LAMA2: variants seen among roughly 807,000 people sequenced by gnomAD.
LAMA2 encodes laminin subunit alpha 2, also known as laminin subunit alpha-2.
LAMA2 carries 269 observed loss-of-function variants against 364.8 expected under a neutral mutation model. The ratio of observed to expected loss-of-function variants is 0.74; its 90% CI spans 0.67 to 0.82. The LOEUF (loss-of-function observed/expected upper bound fraction) is 0.82, where lower values mean the gene tolerates loss of function less well. Ranked by LOEUF, LAMA2 falls within the 40% of genes least tolerant of loss-of-function variation. LAMA2 has a pLI of 0.00. For missense variants in LAMA2, 3,807 were observed against 3,873.2 expected, an observed-to-expected ratio of 0.98 and a Z score of 0.45; for synonymous variants, 1,379 against 1,370.6, an observed-to-expected ratio of 1.01 and a Z score of -0.14.
At chr6:129,263,964 G>A (rs780951898) in intron 15 of LAMA2, among the ~76,000 whole-genome samples, 2 of 151,832 alleles carry the variant, frequency 1.3e-5, no homozygotes, top group African/African-American at 2.4e-5. Context: ...GGCTGATCTC[G>A]AACTCCTGAG....
chr6:129,116,359 T>C (rs768527940), intron 4 of LAMA2, among the ~76,000 whole-genome samples: 5 of 152,174 alleles, frequency 3.3e-5, no homozygotes, highest in Non-Finnish European at 7.4e-5. Flanking sequence ...GCTTTTATAA[T>C]GATGACTTCA....
Position 129,176,745 on chromosome 6 carries a change from C to T in LAMA2, c.1307-961C>T, listed in dbSNP as rs182393837. On this transcript the variant is annotated intron_variant, in intron 9 of 64. Transcript: ENST00000421865. ...TCACAACTTTTTTTTCTTTTCCATA[C>T]GCTTTCTTGACACACATTCATTTTC... Among the ~76,000 whole-genome samples, 151 of 152,084 alleles carry T rather than the reference C, an allele frequency of 9.9e-4. 2 individuals carry two copies. Among genetic ancestry groups the T allele is most frequent in the East Asian group, 1.7e-3 (9 of 5,186 alleles).
In LAMA2 at chr6:129,415,972, G is replaced by A. The variant is rs1422156879; in HGVS notation, c.5866-11780G>A. Among the ~76,000 whole-genome samples, 2 of 32,510 alleles carry A rather than the reference G, an allele frequency of 6.2e-5. 1 individual carries two copies. The highest frequency in any genetic ancestry group is 4.1e-4 in the African/African-American group (2 of 4,868). The allele number at this position is 32,510 out of a possible 152,430, so 21.3% of individuals were successfully genotyped here. ...TTTTTTTTTTTTTTTTTTTTGAGAC[G>A]GAGTCTCGCTCTGTCGCCCAGGCTG... On this transcript the variant is annotated intron_variant, in intron 40 of 64. Coordinates refer to ENST00000421865, the MANE Select transcript of LAMA2 (RefSeq NM_000426.4).
At chr6:129,471,726 A>G (rs1306276961) in intron 51 of LAMA2, among the ~76,000 whole-genome samples, 2 of 152,004 alleles carry the variant, frequency 1.3e-5, no homozygotes, top group Admixed American at 1.3e-4. Flanking sequence ...AAAATAATAA[A>G]ATAGGTGTGT....
At chr6:128,990,774 G>A (rs1783561628) in intron 1 of LAMA2, among the ~76,000 whole-genome samples, 1 of 151,628 alleles carries the variant, frequency 6.6e-6, no homozygotes, top group Non-Finnish European at 1.5e-5. Context: ...TGTGTGTGCT[G>A]TTTGAAACAA....
chr6:129,281,512 T>C (rs1788716448), intron 18 of LAMA2, among the ~76,000 whole-genome samples: 1 of 152,168 alleles, frequency 6.6e-6, no homozygotes, highest in African/African-American at 2.4e-5. Flanking sequence ...ACCCTACATT[T>C]TATTTAACAA....
intron 28 of LAMA2, among the ~76,000 whole-genome samples, chr6:129,321,290 A>C (rs192240736): frequency 5.5e-4 from 84 of 152,330 alleles, no homozygotes; most frequent in Admixed American, 5.1e-3. Context: ...GTACGACTTA[A>C]GGGAGGTGGA....
In LAMA2 at chr6:129,315,964, T is replaced by C. The variant is rs1240924782; in HGVS notation, c.3924+14T>C. 1 of 1,614,064 alleles carries C rather than the reference T, an allele frequency of 6.2e-7. No individual in the cohort carries two copies. ...GAAATGACAGAGGTAAAGTTAGTCA[T>C]TGTTTGGTGCAAAGATACCAATCAA... On this transcript the variant is annotated intron_variant, in intron 26 of 64. Coordinates refer to ENST00000421865, the MANE Select transcript of LAMA2 (RefSeq NM_000426.4).
intron 4 of LAMA2, among the ~76,000 whole-genome samples, chr6:129,103,147 A>G (rs1199849990): frequency 1.3e-5 from 2 of 152,212 alleles, no homozygotes; most frequent in African/African-American, 2.4e-5. Flanking sequence ...TGAGAAGGTT[A>G]TCTTCACTCT....
intron 12 of LAMA2, among the ~76,000 whole-genome samples, chr6:129,227,375 G>C (rs1784370706): frequency 6.6e-6 from 1 of 152,158 alleles, no homozygotes. Flanking sequence ...TGCTGGCAAG[G>C]AGCTTCATTC....
chr6:129,222,334 T>C (rs1285566856), intron 12 of LAMA2, among the ~76,000 whole-genome samples: 1 of 151,576 alleles, frequency 6.6e-6, no homozygotes, highest in Non-Finnish European at 1.5e-5. Flanking sequence ...CTTAGAATAA[T>C]GCCTGGTACA....
intron 1 of LAMA2, among the ~76,000 whole-genome samples, chr6:128,891,559 A>G (rs1374927328): frequency 1.3e-5 from 2 of 152,022 alleles, no homozygotes; most frequent in African/African-American, 4.8e-5. Context: ...CTGAATATAA[A>G]ACATGAAACA....
intron 30 of LAMA2, among the ~76,000 whole-genome samples, chr6:129,346,974 C>T (rs1368855211): frequency 6.6e-6 from 1 of 152,130 alleles, no homozygotes; most frequent in Non-Finnish European, 1.5e-5. Context: ...AAAGTCACTG[C>T]ACTGGCCCTG....
intron 42 of LAMA2, among the ~76,000 whole-genome samples, chr6:129,439,067 C>T (rs1408762362): frequency 7.2e-6 from 1 of 139,338 alleles, no homozygotes; most frequent in Non-Finnish European, 1.5e-5. Flanking sequence ...GGTTCCAGGA[C>T]CCCCCCCCAC....
chr6:129,315,971 G>A (rs1774577539), intron 26 of LAMA2, 21 bp downstream of exon 26: 1 of 1,613,922 alleles, frequency 6.2e-7, no homozygotes. Flanking sequence ...TCATTGTTTG[G>A]TGCAAAGATA....
At position 129,252,266 on chromosome 6, in the gene LAMA2, A is replaced by C. The variant is rs907425381; in HGVS notation, c.2067A>C (p.Thr689=). The change falls in exon 14 of 65, where the codon ACA becomes ACC. Residue 689 remains threonine, a synonymous_variant. Coordinates refer to ENST00000421865, the MANE Select transcript of LAMA2 (RefSeq NM_000426.4). ...ANLKRVLLQI[T]YSFGMDAIFR... The stretch of plus-strand genomic sequence containing the variant: ...TGAAGAGAGTCCTCCTACAAATCAC[A>C]TACAGCTTTGGGATGGATGCCATCT... 1 of 1,613,908 alleles carries C rather than the reference A, an allele frequency of 6.2e-7. No homozygotes were observed. The highest frequency in any genetic ancestry group is 1.1e-5 in the South Asian group (1 of 91,082).
intron 3 of LAMA2, among the ~76,000 whole-genome samples, chr6:129,079,498 C>T (rs529411699): frequency 5.3e-5 from 8 of 151,316 alleles, no homozygotes; most frequent in South Asian, 2.1e-4. Flanking sequence ...ACATTCCCAT[C>T]GGCCATACAC....
chr6:129,134,661 C>G (rs1777679674), intron 4 of LAMA2, among the ~76,000 whole-genome samples: 1 of 152,170 alleles, frequency 6.6e-6, no homozygotes, highest in African/African-American at 2.4e-5. Flanking sequence ...CCCTCACATG[C>G]ACAGTTTACA....
intron 15 of LAMA2, among the ~76,000 whole-genome samples, chr6:129,262,585 G>A (rs1787209608): frequency 6.6e-6 from 1 of 152,092 alleles, no homozygotes; most frequent in Non-Finnish European, 1.5e-5. Context: ...GAACTTAATT[G>A]AATCAAGAGA....
Sources: gnomAD v4.1 joint callset for allele counts (sites outside exome capture counted in the v4.1 genomes callset) on GRCh38, gnomAD v4.1.1 for gene constraint, MANE v1.5 for transcripts, NCBI Gene and HGNC (gene_info 2026-07-23, HGNC 2026-07-21) for gene names.